MRPL45: variants seen among roughly 807,000 people sequenced by gnomAD.
MRPL45 encodes large ribosomal subunit protein mL45.
In MRPL45, 20 loss-of-function variants were observed where a neutral mutation model predicts 38.1. That is an observed-to-expected ratio of 0.53 (90% CI 0.37 to 0.76). MRPL45 has a LOEUF of 0.76. MRPL45 is among the 30% of genes least tolerant of loss of function. The pLI is 0.00. For missense variants in MRPL45, 337 were observed against 395.6 expected (o/e 0.85, Z 1.26); for synonymous variants, 105 against 128.8 (o/e 0.82, Z 1.25).
intron 3 of MRPL45, among the ~76,000 whole-genome samples, chr17:38,302,699 G>T (rs911549864): frequency 1.3e-5 from 2 of 151,454 alleles, no homozygotes; most frequent in Non-Finnish European, 2.9e-5. Context: ...CTGTTGATAT[G>T]ATGACATATT....
At chr17:38,316,826 T>G (rs1685322699) in intron 4 of MRPL45, among the ~76,000 whole-genome samples, 1 of 148,164 alleles carries the variant, frequency 6.7e-6, no homozygotes, top group African/African-American at 2.5e-5. Flanking sequence ...TGAGACGGAG[T>G]CTTGCTCTGT....
intron 4 of MRPL45, among the ~76,000 whole-genome samples, chr17:38,316,075 G>A (rs976965571): frequency 1.1e-4 from 16 of 151,986 alleles, no homozygotes; most frequent in South Asian, 6.2e-4. Context: ...GTGCCTGGCC[G>A]CATTATTTCT....
chr17:38,320,700 G>T lies in MRPL45; in HGVS notation c.593G>T (p.Arg198Leu). 1 of 1,614,118 alleles carries T rather than the reference G, an allele frequency of 6.2e-7. No individual in the cohort carries two copies. Among genetic ancestry groups the T allele is most frequent in the Non-Finnish European group, 8.5e-7 (1 of 1,180,028 alleles). The change falls in exon 6 of 8, where the codon CGC (arginine) becomes CTC (leucine). Residue 198 changes from arginine (R) to leucine (L), a missense_variant. This residue lies in a region of MRPL45 where 251 missense variants were observed against 269.1 expected (regional missense o/e 0.93). Transcript: ENST00000613675. ...SLEPSHVVQV[R>L]CSSMMNQGNV... The stretch of plus-strand genomic sequence containing the variant: ...GAGCCCTCTCATGTTGTTCAAGTTC[G>T]CTGTTCAAGTATGATGAACCAGGGC...
At chr17:38,314,871 G>C (rs1371062941) in intron 4 of MRPL45, among the ~76,000 whole-genome samples, 2 of 152,164 alleles carry the variant, frequency 1.3e-5, no homozygotes, top group Admixed American at 1.3e-4. Flanking sequence ...ACAGCCAGGC[G>C]TGGTGGCTAG....
At chr17:38,318,087 A>G (rs1486257631) in intron 4 of MRPL45, among the ~76,000 whole-genome samples, 1 of 151,342 alleles carries the variant, frequency 6.6e-6, no homozygotes, top group Non-Finnish European at 1.5e-5. Flanking sequence ...GTGCACTTGT[A>G]GTCCCAGCTA....
rs1164917700 is a variant in MRPL45 at position 38,306,620 on chromosome 17, T to G, written c.450T>G (p.Leu150=). Residue 150 remains leucine (L), a synonymous_variant, in exon 4 of 8, where the codon CTT becomes CTG. Coordinates refer to ENST00000613675, the MANE Select transcript of MRPL45 (RefSeq NM_032351.6). The stretch of plus-strand genomic sequence containing the variant: ...AGGATATCTTTATTGAAGCTCACCT[T>G]TGTCTAAATAAGTAAGTGAACTCCC... The part of the protein sequence containing the change: ...KAKDIFIEAH[L]CLNNSDHDRL... 6.2e-7 allele frequency: 1 copy of G among 1,613,564 alleles called. No individual in the cohort carries two copies. Among genetic ancestry groups the G allele is most frequent in the Non-Finnish European group, 8.5e-7 (1 of 1,179,860 alleles).
intron 5 of MRPL45, among the ~76,000 whole-genome samples, chr17:38,320,280 A>G (rs1277037064): frequency 6.6e-6 from 1 of 152,158 alleles, no homozygotes; most frequent in Non-Finnish European, 1.5e-5. Context: ...AGTACATGCA[A>G]TAATTGCCAC....
rs201810621 is a variant in MRPL45 at position 38,320,686 on chromosome 17, T to C, written c.579T>C (p.His193=). Residue 193 remains histidine, a synonymous_variant, in exon 6 of 8, where the codon CAT becomes CAC. Transcript: ENST00000613675. ...WSFVESLEPS[H]VVQVRCSSMM... is the part of the protein sequence containing the mutation. ...TTGTGGAATCTTTAGAGCCCTCTCA[T>C]GTTGTTCAAGTTCGCTGTTCAAGTA... 8.1e-6 allele frequency: 13 copies of C among 1,614,182 alleles called. No homozygotes were observed. Among genetic ancestry groups the C allele is most frequent in the East Asian group, 2.2e-5 (1 of 44,884 alleles).
chr17:38,309,470 C>T (rs1317302929), intron 4 of MRPL45, among the ~76,000 whole-genome samples: 2 of 149,842 alleles, frequency 1.3e-5, no homozygotes, highest in African/African-American at 4.9e-5. Flanking sequence ...TGCTTTGAGC[C>T]GAGATCGTGC....
At chr17:38,321,124 C>G (rs928440355) in intron 6 of MRPL45, among the ~76,000 whole-genome samples, 2 of 152,022 alleles carry the variant, frequency 1.3e-5, no homozygotes, top group African/African-American at 4.8e-5. Context: ...TACAGGGGCA[C>G]GCAACCATGC....
Position 38,322,313 on chromosome 17 carries a change from C to T in MRPL45, c.834+14C>T. The T allele has an allele frequency of 1.2e-5, 19 of 1,610,866 alleles. No homozygotes were observed. The highest frequency in any genetic ancestry group is 1.5e-5 in the Non-Finnish European group (18 of 1,178,726). On this transcript the variant is annotated intron_variant, in intron 7 of 7. Coordinates refer to ENST00000613675, the MANE Select transcript of MRPL45 (RefSeq NM_032351.6). ...CCCATCCTTAAGGTAAGGTGGCTTG[C>T]ATGGTTTAAGAGAGCTGAGGCACTA...
chr17:38,299,557 G>T lies in MRPL45; in HGVS notation c.362+89G>T, dbSNP rs2036971748. The stretch of plus-strand genomic sequence containing the variant: ...CAAAGAGACCTTTTTGGGTTAATTG[G>T]GTTGGGTGTCATTCTCTTAATAACA... On this transcript the variant is annotated intron_variant, in intron 3 of 7. Coordinates refer to ENST00000613675, the MANE Select transcript of MRPL45 (RefSeq NM_032351.6). 3.1e-6 allele frequency: 3 copies of T among 974,906 alleles called. No individual in the cohort carries two copies. In the South Asian group the frequency reaches 4.8e-5, roughly 16 times the overall value. The allele number at this position is 974,906 out of a possible 1,614,324, so 60.4% of individuals were successfully genotyped here. A position where few individuals can be genotyped will look rare whatever the true frequency, so the allele number is the denominator to read the frequency against.
chr17:38,311,484 G>A (rs183441645), intron 4 of MRPL45, among the ~76,000 whole-genome samples: 1,948 of 152,054 alleles, frequency 0.013, 44 homozygotes, highest in African/African-American at 0.043. Context: ...TCAAGAGATC[G>A]AGACCATCCT....
At chr17:38,309,702 T>C (rs1387485778) in intron 4 of MRPL45, among the ~76,000 whole-genome samples, 1 of 151,834 alleles carries the variant, frequency 6.6e-6, no homozygotes, top group Non-Finnish European at 1.5e-5. Context: ...CAAGCAATCC[T>C]TCCACCTCAG....
At chr17:38,309,886 T>G (rs1377977261) in intron 4 of MRPL45, among the ~76,000 whole-genome samples, 4 of 152,158 alleles carry the variant, frequency 2.6e-5, no homozygotes, top group African/African-American at 4.8e-5. Flanking sequence ...CTCCACTTTC[T>G]CGTCTCCTTG....
rs2037243932 is a variant in MRPL45 at position 38,322,677 on chromosome 17, A to AC, written c.*82_*83insC. The AC allele has an allele frequency of 1.9e-6, 2 of 1,071,078 alleles. No homozygotes were observed. 66.3% of individuals were successfully genotyped at this position (1,071,078 alleles called of 1,614,324 possible). On this transcript the variant is annotated 3_prime_UTR_variant, in exon 8 of 8. Transcript: ENST00000613675. ...AGTCTCCCATTCCCCTCATGCTATA[A>AC]AAAGAACTACCTTTGTTCTCTCCCA...
chr17:38,322,896 AG>A lies in MRPL45; in HGVS notation c.*302del. The A allele has an allele frequency of 6.3e-6, 2 of 316,676 alleles. No individual in the cohort carries two copies. The highest frequency in any genetic ancestry group is 1.2e-5 in the Non-Finnish European group (2 of 169,858). The allele number at this position is 316,676 out of a possible 1,614,324, so 19.6% of individuals were successfully genotyped here. ...AGTTTTTCCCACAGCAGGGACTGTG[AG>A]AGACAACCAGCAGCATCCTCTTTGT... On this transcript the variant is annotated 3_prime_UTR_variant, in exon 8 of 8. Transcript: ENST00000613675.
intron 5 of MRPL45, among the ~76,000 whole-genome samples, chr17:38,319,260 C>A (rs1310009396): frequency 6.6e-6 from 1 of 151,962 alleles, no homozygotes; most frequent in Non-Finnish European, 1.5e-5. Context: ...TGGTCTCGAT[C>A]TTCTGACCTC....
chr17:38,320,779 C>G lies in MRPL45; in HGVS notation c.660+12C>G. ...TGCACACCCGGCAGGTAGAGGCACT[C>G]GTCTGCCTTCCTCCCAGCTTTTTTT... On this transcript the variant is annotated intron_variant, in intron 6 of 7. Coordinates refer to ENST00000613675, the MANE Select transcript of MRPL45 (RefSeq NM_032351.6). The G allele has an allele frequency of 6.2e-7, 1 of 1,613,178 alleles. No individual in the cohort carries two copies. The highest frequency in any genetic ancestry group is 8.5e-7 in the Non-Finnish European group (1 of 1,179,760).
Sources: allele counts gnomAD v4.1 joint callset (sites outside exome capture counted in the v4.1 genomes callset), GRCh38; gene constraint gnomAD v4.1.1; regional missense constraint gnomAD v4.1.1; transcripts MANE v1.5; gene names NCBI Gene and HGNC (gene_info 2026-07-23, HGNC 2026-07-21).